DDX10: variants seen among roughly 807,000 people sequenced by gnomAD.
DDX10 encodes DEAD-box helicase 10, also known as probable ATP-dependent RNA helicase DDX10.
Under a neutral mutation model 104.3 loss-of-function variants are expected in DDX10, and 74 were observed. That is an observed-to-expected ratio of 0.71 (90% CI 0.59 to 0.86). DDX10 has a LOEUF of 0.86. Among genes scored for constraint, DDX10 ranks in the 40% least tolerant of loss-of-function variants. DDX10 has a pLI of 0.00. For missense variants in DDX10, 952 were observed against 1,040.0 expected, an observed-to-expected ratio of 0.92 and a Z score of 1.16; for synonymous variants, 351 against 353.4, an observed-to-expected ratio of 0.99 and a Z score of 0.08.
At position 108,701,675 on chromosome 11, in the gene DDX10, C is replaced by CTTTTTTTTTT. The variant is rs55916940; in HGVS notation, c.1224-5048_1224-5039dup. 9.3e-3 allele frequency among the ~76,000 whole-genome samples: 719 copies of CTTTTTTTTTT among 77,412 alleles called. 13 individuals are homozygous for CTTTTTTTTTT. Among genetic ancestry groups the CTTTTTTTTTT allele is most frequent in the Middle Eastern group, 0.015 (1 of 68 alleles). 50.8% of individuals were successfully genotyped at this position (77,412 alleles called of 152,430 possible). On this transcript the variant is annotated intron_variant, in intron 9 of 17. Transcript: ENST00000322536. ...GGTGTTTTTTCTTTCTTCTTCTTCT[C>CTTTTTTTTTT]TTTTTTTTTTTTTTTTTTTTTTTTT...
chr11:108,706,911 T>A, intron 10 of DDX10, 74 bp downstream of exon 10: 2 of 1,236,282 alleles, frequency 1.6e-6, no homozygotes, highest in East Asian at 2.3e-5. Flanking sequence ...TATGTGCACC[T>A]AATTTGCCCC....
intron 15 of DDX10, among the ~76,000 whole-genome samples, chr11:108,847,249 A>G (rs1336917891): frequency 1.3e-5 from 2 of 152,210 alleles, no homozygotes; most frequent in Non-Finnish European, 2.9e-5. Context: ...TTCAGTCAGA[A>G]CTGTTGAAAG....
At chr11:108,704,002 C>G (rs764697119) in intron 9 of DDX10, among the ~76,000 whole-genome samples, 1 of 152,032 alleles carries the variant, frequency 6.6e-6, no homozygotes, top group Non-Finnish European at 1.5e-5. Flanking sequence ...TCCACTGTTA[C>G]TATTTGTCTT....
chr11:108,708,566 A>G (rs753342232), intron 10 of DDX10, among the ~76,000 whole-genome samples: 29 of 133,972 alleles, frequency 2.2e-4, no homozygotes, highest in Non-Finnish European at 4.1e-4. Flanking sequence ...ATTGGTGTTC[A>G]TAGTATTTTT....
chr11:108,937,126 A>G (rs1251408685), intron 17 of DDX10, among the ~76,000 whole-genome samples: 11 of 152,196 alleles, frequency 7.2e-5, no homozygotes. Flanking sequence ...GGGAAGACCC[A>G]GAAGAGGGAG....
intron 16 of DDX10, among the ~76,000 whole-genome samples, chr11:108,904,905 G>A (rs964628199): frequency 6.6e-6 from 1 of 152,166 alleles, no homozygotes; most frequent in Non-Finnish European, 1.5e-5. Flanking sequence ...CTTCTGAGCA[G>A]CCTAAGACTT....
chr11:108,747,853 C>T (rs904783164), intron 13 of DDX10, among the ~76,000 whole-genome samples: 1 of 152,012 alleles, frequency 6.6e-6, no homozygotes, highest in Non-Finnish European at 1.5e-5. Flanking sequence ...TGAAGTTGTT[C>T]TTGTTAGTAC....
intron 13 of DDX10, among the ~76,000 whole-genome samples, chr11:108,765,552 A>G (rs1007724003): frequency 6.6e-6 from 1 of 152,198 alleles, no homozygotes; most frequent in African/African-American, 2.4e-5. Context: ...AATGCAATAA[A>G]ATATTTCGAC....
chr11:108,804,424 T>C (rs1229827890), intron 13 of DDX10, among the ~76,000 whole-genome samples: 2 of 143,752 alleles, frequency 1.4e-5, no homozygotes, highest in Admixed American at 1.5e-4. Flanking sequence ...TCTCTTGAGC[T>C]TGGGAGGTTG....
chr11:108,686,512 C>T (rs2094244333), intron 6 of DDX10, among the ~76,000 whole-genome samples: 1 of 152,132 alleles, frequency 6.6e-6, no homozygotes, highest in Non-Finnish European at 1.5e-5. Context: ...GTATTGGTTG[C>T]TTTCACTTAA....
intron 13 of DDX10, among the ~76,000 whole-genome samples, chr11:108,811,435 A>G (rs1244200814): frequency 6.6e-5 from 10 of 152,184 alleles, no homozygotes; most frequent in Admixed American, 6.5e-4. Flanking sequence ...AACAGCCTTC[A>G]TGATACCTCC....
At chr11:108,852,052 CA>C in intron 15 of DDX10, 100 bp from the exon 16 acceptor site, 1 of 882,760 alleles carries the variant, frequency 1.1e-6, no homozygotes, top group South Asian at 1.8e-5. Context: ...AAATGAATGT[CA>C]TATATTAGTT....
chr11:108,805,508 A>G (rs946718219), intron 13 of DDX10, among the ~76,000 whole-genome samples: 3 of 152,234 alleles, frequency 2.0e-5, no homozygotes, highest in African/African-American at 7.2e-5. Context: ...GCAACATCTT[A>G]TATTTTCAGA....
At chr11:108,856,824 A>G (rs1343596731) in intron 16 of DDX10, among the ~76,000 whole-genome samples, 1 of 152,034 alleles carries the variant, frequency 6.6e-6, no homozygotes, top group Non-Finnish European at 1.5e-5. Flanking sequence ...TCAGTATTAT[A>G]TTGAGTGACC....
At chr11:108,877,865 A>G (rs1863173314) in intron 16 of DDX10, among the ~76,000 whole-genome samples, 1 of 152,164 alleles carries the variant, frequency 6.6e-6, no homozygotes, top group South Asian at 2.1e-4. Context: ...TCATCATTTG[A>G]AGTGAAACAG....
chr11:108,909,580 G>C (rs1225028367), intron 16 of DDX10, among the ~76,000 whole-genome samples: 1 of 152,040 alleles, frequency 6.6e-6, no homozygotes, highest in African/African-American at 2.4e-5. Flanking sequence ...ACCCTTTCCT[G>C]AGTTCTATGA....
chr11:108,920,454 C>T (rs1348830931), intron 17 of DDX10: 1 of 152,124 alleles, frequency 6.6e-6, no homozygotes, highest in Non-Finnish European at 1.5e-5. Flanking sequence ...GATTTTATTC[C>T]TGTAGCGTAT....
intron 13 of DDX10, among the ~76,000 whole-genome samples, chr11:108,812,849 G>C (rs1862202331): frequency 6.6e-6 from 1 of 151,708 alleles, no homozygotes; most frequent in Non-Finnish European, 1.5e-5. Flanking sequence ...GGGCATGGTG[G>C]CACATGTCTG....
intron 13 of DDX10, among the ~76,000 whole-genome samples, chr11:108,825,160 G>A (rs1862379063): frequency 6.6e-6 from 1 of 152,102 alleles, no homozygotes; most frequent in African/African-American, 2.4e-5. Flanking sequence ...CTATAAAGAG[G>A]TGTCTTAAAA....
Sources: gnomAD v4.1 joint callset for allele counts (sites outside exome capture counted in the v4.1 genomes callset) on GRCh38, gnomAD v4.1.1 for gene constraint, MANE v1.5 for transcripts, NCBI Gene and HGNC (gene_info 2026-07-23, HGNC 2026-07-21) for gene names.